DHX32: variants seen among roughly 807,000 people sequenced by gnomAD.
The protein encoded by DHX32 is putative pre-mRNA-splicing factor ATP-dependent RNA helicase DHX32.
In DHX32, 51 loss-of-function variants were observed where a neutral mutation model predicts 70.0. That is an observed-to-expected ratio of 0.73 (90% CI 0.58 to 0.92). The LOEUF is 0.92. Ranked by LOEUF, DHX32 falls within the 40% of genes least tolerant of loss-of-function variation. The pLI is 0.00. For synonymous variants in DHX32, 310 were observed against 315.3 expected (o/e 0.98, Z 0.18); for missense variants, 762 against 891.8 (o/e 0.85, Z 1.85).
At chr10:125,840,280 G>A (rs1360783248) in intron 8 of DHX32, among the ~76,000 whole-genome samples, 1 of 152,096 alleles carries the variant, frequency 6.6e-6, no homozygotes, top group Non-Finnish European at 1.5e-5. Context: ...TGCCCTTCAG[G>A]CATACAAAGG....
intron 6 of DHX32, among the ~76,000 whole-genome samples, chr10:125,846,709 G>A (rs1944026275): frequency 6.6e-6 from 1 of 152,188 alleles, no homozygotes; most frequent in South Asian, 2.1e-4. Flanking sequence ...AGGATTTTGT[G>A]CCACGTGACA....
In DHX32 at chr10:125,880,606, C is replaced by T; in HGVS notation, c.219G>A (p.Glu73=). 2.5e-6 allele frequency: 4 copies of T among 1,613,652 alleles called. No homozygotes were observed. Among genetic ancestry groups the T allele is most frequent in the Non-Finnish European group, 3.4e-6 (4 of 1,179,754 alleles). ...PIWKEKYSFM[E]NLLQNQIVIV... ...TCACGATTTGATTTTGAAGCAGGTT[C>T]TCCATAAAGGAGTATTTTTCTTTCC... The change falls in exon 1 of 11, where the codon GAG becomes GAA. Residue 73 remains glutamate (E), a synonymous_variant. Coordinates refer to ENST00000284690, the MANE Select transcript of DHX32 (RefSeq NM_018180.3).
At chr10:125,873,036 G>A (rs1426426469) in intron 1 of DHX32, among the ~76,000 whole-genome samples, 1 of 152,240 alleles carries the variant, frequency 6.6e-6, no homozygotes, top group Non-Finnish European at 1.5e-5. Flanking sequence ...CTGCTGGGTA[G>A]TGGGAGAGCT....
intron 1 of DHX32, among the ~76,000 whole-genome samples, chr10:125,876,056 T>C (rs533407716): frequency 1.2e-4 from 18 of 152,302 alleles, no homozygotes; most frequent in African/African-American, 3.4e-4. Flanking sequence ...TTTCAGGTTT[T>C]TGTATTTCTG....
chr10:125,867,970 A>C (rs941146292), intron 1 of DHX32, among the ~76,000 whole-genome samples: 17 of 152,188 alleles, frequency 1.1e-4, no homozygotes, highest in Non-Finnish European at 7.3e-5. Context: ...AATCCAAATG[A>C]TGATAACAAA....
chr10:125,862,691 C>G (rs1371257645), intron 2 of DHX32, among the ~76,000 whole-genome samples: 1 of 152,112 alleles, frequency 6.6e-6, no homozygotes, highest in East Asian at 1.9e-4. Context: ...ATTGTGAAGG[C>G]TCAATCCTAA....
intron 3 of DHX32, among the ~76,000 whole-genome samples, chr10:125,856,540 G>T (rs1944148970): frequency 6.6e-6 from 1 of 152,244 alleles, no homozygotes; most frequent in Non-Finnish European, 1.5e-5. Flanking sequence ...CACAGCAGGT[G>T]TGGTGCTAGG....
intron 3 of DHX32, among the ~76,000 whole-genome samples, chr10:125,858,217 C>T (rs928799220): frequency 6.6e-6 from 1 of 152,110 alleles, no homozygotes; most frequent in Non-Finnish European, 1.5e-5. Context: ...CTGTTTTTCA[C>T]CTGGCAATTC....
intron 1 of DHX32, among the ~76,000 whole-genome samples, chr10:125,887,392 T>C (rs1187052273): frequency 1.3e-5 from 2 of 152,196 alleles, no homozygotes; most frequent in East Asian, 3.8e-4. Flanking sequence ...AAGGCAAGTG[T>C]GGCTGGTACC....
At position 125,838,343 on chromosome 10, in the gene DHX32, T is replaced by C. The variant is rs1854765937; in HGVS notation, c.1926A>G (p.Thr642=). The C allele has an allele frequency of 6.2e-7, 1 of 1,612,236 alleles. No homozygotes were observed. The highest frequency in any genetic ancestry group is 1.3e-5 in the African/African-American group (1 of 74,898). ...GATGCAGCTGAGCAACCTGCTTATGTGTCAGCATTAAGTAGTTACCTGATC... is the reference window on the plus strand; with the variant it reads ...GATGCAGCTGAGCAACCTGCTTATGCGTCAGCATTAAGTAGTTACCTGATC... ...VDGSGNYLML[T]HKQVAQLHPL... The change falls in exon 10 of 11, where the codon ACA becomes ACG. Residue 642 remains threonine (T), a synonymous_variant. Coordinates refer to ENST00000284690, the MANE Select transcript of DHX32 (RefSeq NM_018180.3).
At chr10:125,887,426 A>G (rs1202898511) in intron 1 of DHX32, among the ~76,000 whole-genome samples, 1 of 152,224 alleles carries the variant, frequency 6.6e-6, no homozygotes, top group African/African-American at 2.4e-5. Context: ...AGACTTTGGT[A>G]CAAGATGAGT....
intron 6 of DHX32, among the ~76,000 whole-genome samples, chr10:125,847,657 T>C (rs1035209869): frequency 1.1e-4 from 16 of 152,182 alleles, no homozygotes; most frequent in African/African-American, 3.6e-4. Context: ...CACTTTATTT[T>C]TATTATTATT....
At chr10:125,885,880 C>T (rs201291566), upstream of DHX32, among the ~76,000 whole-genome samples, 2 of 138,978 alleles carry the variant, frequency 1.4e-5, no homozygotes, top group South Asian at 2.3e-4. Context: ...CTACCCTTAG[C>T]CCCTTACAGT....
At position 125,854,106 on chromosome 10, in the gene DHX32, C is replaced by T; in HGVS notation, c.947G>A (p.Cys316Tyr). The T allele has an allele frequency of 6.2e-7, 1 of 1,613,912 alleles. No homozygotes were observed. Among genetic ancestry groups the T allele is most frequent in the South Asian group, 1.1e-5 (1 of 91,086 alleles). ...TTCATCGAGTGGCTTGAACAATGAA[C>T]ATTTCTCTTTTGGATACAAAGGAAC... ...VVVPLYPKEK[C>Y]SLFKPLDETE... The change falls in exon 4 of 11, where the codon TGT (cysteine) becomes TAT (tyrosine). Residue 316 changes from cysteine to tyrosine, a missense_variant. Transcript: ENST00000284690.
At chr10:125,852,753 C>T (rs1337499806) in intron 4 of DHX32, 111 bp from the exon 5 acceptor site, 19 of 925,330 alleles carry the variant, frequency 2.1e-5, no homozygotes, top group Admixed American at 5.6e-5. Context: ...AATGCACTGC[C>T]ACAGACTCAT....
At chr10:125,852,177 A>G in intron 6 of DHX32, 116 bp downstream of exon 6, 1 of 1,322,706 alleles carries the variant, frequency 7.6e-7, no homozygotes, top group South Asian at 1.5e-5. Context: ...GTCCAAACCA[A>G]CGCCCCCTCC....
intron 6 of DHX32, among the ~76,000 whole-genome samples, chr10:125,846,812 T>A (rs1354742375): frequency 1.3e-5 from 2 of 152,056 alleles, no homozygotes; most frequent in Non-Finnish European, 2.9e-5. Context: ...TTCTTGGGCG[T>A]TTTCGACTTT....
At chr10:125,848,524 C>T (rs991032816) in intron 6 of DHX32, among the ~76,000 whole-genome samples, 4 of 152,170 alleles carry the variant, frequency 2.6e-5, no homozygotes, top group Admixed American at 1.3e-4. Flanking sequence ...GGCCTTCCAC[C>T]GGCAGTGTTG....
chr10:125,864,051 C>T (rs1013714477), intron 2 of DHX32, among the ~76,000 whole-genome samples: 4 of 152,092 alleles, frequency 2.6e-5, no homozygotes, highest in African/African-American at 9.7e-5. Context: ...GGTGGAGACA[C>T]CCTTTGACAG....
Sources: gnomAD v4.1 joint callset for allele counts (sites outside exome capture counted in the v4.1 genomes callset) on GRCh38, gnomAD v4.1.1 for gene constraint, MANE v1.5 for transcripts, NCBI Gene and HGNC (gene_info 2026-07-23, HGNC 2026-07-21) for gene names.